Variants in SLC25A12 observed in about 807,000 individuals in gnomAD.
SLC25A12 encodes the protein electrogenic aspartate/glutamate antiporter SLC25A12, mitochondrial.
A neutral mutation model predicts 83.3 loss-of-function variants in SLC25A12; 32 were observed. The ratio of observed to expected loss-of-function variants is 0.38; its 90% confidence interval spans 0.29 to 0.52. SLC25A12 has a LOEUF of 0.52. SLC25A12 is among the 20% of genes least tolerant of loss of function. SLC25A12 has a pLI of 0.84. For synonymous variants in SLC25A12, 267 were observed against 291.1 expected (o/e 0.92, Z 0.84); for missense variants, 611 against 835.6 (o/e 0.73, Z 3.31).
intron 8 of SLC25A12, 63 bp downstream of exon 8, chr2:171,833,900 C>T (rs1198442788): frequency 2.1e-6 from 2 of 959,978 alleles, no homozygotes; most frequent in East Asian, 2.4e-5. Flanking sequence ...AAAAGGACAC[C>T]ACTGCTTCAC....
intron 2 of SLC25A12, among the ~76,000 whole-genome samples, chr2:171,874,181 G>A (rs899189469): frequency 6.6e-6 from 1 of 152,012 alleles, no homozygotes; most frequent in African/African-American, 2.4e-5. Flanking sequence ...AGCCGAGATC[G>A]CACCATTACA....
At chr2:171,816,598 G>C (rs572271453) in intron 9 of SLC25A12, among the ~76,000 whole-genome samples, 24 of 151,696 alleles carry the variant, frequency 1.6e-4, no homozygotes, top group African/African-American at 5.1e-4. Context: ...TTTATTGTTT[G>C]TTTTTTCCCA....
At chr2:171,889,615 T>C (rs981244648) in intron 2 of SLC25A12, among the ~76,000 whole-genome samples, 9 of 152,212 alleles carry the variant, frequency 5.9e-5, no homozygotes, top group Non-Finnish European at 1.0e-4. Flanking sequence ...CTAACTATTC[T>C]AGACAGTTAC....
At chr2:171,892,461 A>G (rs1034901415) in intron 2 of SLC25A12, among the ~76,000 whole-genome samples, 3 of 151,998 alleles carry the variant, frequency 2.0e-5, no homozygotes, top group Non-Finnish European at 4.4e-5. Flanking sequence ...TCCTGACCTC[A>G]TGGTCCACCC....
intron 8 of SLC25A12, among the ~76,000 whole-genome samples, chr2:171,828,958 G>A (rs1684375082): frequency 6.6e-6 from 1 of 152,218 alleles, no homozygotes; most frequent in Non-Finnish European, 1.5e-5. Context: ...CACCCCTGAG[G>A]ACCCCAATCA....
intron 2 of SLC25A12, among the ~76,000 whole-genome samples, chr2:171,873,205 T>G (rs1685493822): frequency 6.6e-6 from 1 of 152,016 alleles, no homozygotes; most frequent in African/African-American, 2.4e-5. Context: ...TCCCAGCACT[T>G]TGGGAGGCTG....
rs772765206 is a variant in SLC25A12, at chr2:171,785,368, C to T, written c.1943G>A (p.Gly648Asp). The T allele has an allele frequency of 3.7e-6, 6 of 1,614,088 alleles. No individual in the cohort carries two copies. In the African/African-American group the frequency reaches 4.0e-5, roughly 11 times the overall value. Residue 648 changes from glycine (G) to aspartate (D), a missense_variant, in exon 18 of 18, where the codon GGC becomes GAC. Around this residue, in one of 3 missense-constraint regions of SLC25A12, gnomAD observed 540 missense variants for 777.5 expected, o/e 0.69. Coordinates refer to ENST00000422440, the MANE Select transcript of SLC25A12 (RefSeq NM_003705.5). ...ATAAAGGCCAAATTTGTTTTCGATG[C>T]CTGCAAACGTGGCTGTGGCGAGTCT... ...GYRLATATFA[G>D]IENKFGLYLP...
At chr2:171,844,128 A>G (rs1021990404) in intron 5 of SLC25A12, among the ~76,000 whole-genome samples, 1 of 152,200 alleles carries the variant, frequency 6.6e-6, no homozygotes, top group East Asian at 1.9e-4. Flanking sequence ...GGATACAATT[A>G]AAAAGTATTT....
intron 1 of SLC25A12, 126 bp from the exon 2 acceptor site, chr2:171,893,384 T>G: frequency 1.2e-6 from 1 of 854,732 alleles, no homozygotes; most frequent in South Asian, 1.4e-5. Context: ...TAAAACAAAC[T>G]AAAAGCCCTA....
At chr2:171,882,721 CAATGGT>C (rs1685722956) in intron 2 of SLC25A12, among the ~76,000 whole-genome samples, 1 of 152,082 alleles carries the variant, frequency 6.6e-6, no homozygotes, top group Admixed American at 6.5e-5. Context: ...CTGGCCATAG[CAATGGT>C]TTCAGTGGAA....
intron 9 of SLC25A12, among the ~76,000 whole-genome samples, chr2:171,824,979 A>AT (rs373559561): frequency 3.6e-4 from 53 of 146,874 alleles, no homozygotes; most frequent in Middle Eastern, 3.5e-3. Context: ...AATTTTTTGC[A>AT]TTTTTTTTTT....
chr2:171,893,690 C>A (rs1248409449), intron 1 of SLC25A12, among the ~76,000 whole-genome samples: 3 of 152,162 alleles, frequency 2.0e-5, no homozygotes, highest in African/African-American at 7.2e-5. Context: ...ATTATCTCCG[C>A]GTCCCTCTCC....
chr2:171,818,769 C>T (rs1345382506), intron 9 of SLC25A12, among the ~76,000 whole-genome samples: 1 of 151,954 alleles, frequency 6.6e-6, no homozygotes, highest in African/African-American at 2.4e-5. Flanking sequence ...ACAAGTCAAA[C>T]CTGCCCAAAC....
At chr2:171,842,248 A>T (rs570186322) in intron 5 of SLC25A12, among the ~76,000 whole-genome samples, 1 of 152,110 alleles carries the variant, frequency 6.6e-6, no homozygotes, top group Non-Finnish European at 1.5e-5. Context: ...GACATGGATA[A>T]TTCTTAAAAA....
At chr2:171,857,810 G>A (rs923707423) in intron 3 of SLC25A12, among the ~76,000 whole-genome samples, 2 of 151,996 alleles carry the variant, frequency 1.3e-5, no homozygotes, top group Non-Finnish European at 2.9e-5. Context: ...AGGATCACTT[G>A]AGCCCAGGAG....
intron 5 of SLC25A12, among the ~76,000 whole-genome samples, chr2:171,841,848 A>G (rs1333659877): frequency 6.6e-6 from 1 of 152,228 alleles, no homozygotes; most frequent in African/African-American, 2.4e-5. Flanking sequence ...CTCCAAGGTA[A>G]AAGTGAAGGG....
intron 13 of SLC25A12, among the ~76,000 whole-genome samples, chr2:171,796,543 C>G (rs748839573): frequency 6.6e-6 from 1 of 152,138 alleles, no homozygotes; most frequent in Non-Finnish European, 1.5e-5. Flanking sequence ...ATGACACATG[C>G]CTGTAGTCCC....
At chr2:171,809,944 C>T (rs1683916006) in intron 12 of SLC25A12, among the ~76,000 whole-genome samples, 1 of 152,198 alleles carries the variant, frequency 6.6e-6, no homozygotes, top group African/African-American at 2.4e-5. Context: ...TAGCTCACTA[C>T]AGCCTCAAAT....
At chr2:171,875,845 G>A (rs373687546) in intron 2 of SLC25A12, among the ~76,000 whole-genome samples, 2 of 144,690 alleles carry the variant, frequency 1.4e-5, no homozygotes, top group South Asian at 2.2e-4. Context: ...CCCGGGCGGC[G>A]GAGCTTGCAG....
Sources: gnomAD v4.1 joint callset for allele counts (sites outside exome capture counted in the v4.1 genomes callset) on GRCh38, gnomAD v4.1.1 for gene constraint, gnomAD v4.1.1 regional missense constraint, MANE v1.5 for transcripts, NCBI Gene and HGNC (gene_info 2026-07-23, HGNC 2026-07-21) for gene names.